The following WDFY4 variants were observed in gnomAD, a reference collection of about 807,000 sequenced individuals.
WDFY4 encodes WD repeat- and FYVE domain-containing protein 4.
A neutral mutation model predicts 351.9 loss-of-function variants in WDFY4; 169 were observed. That is an observed-to-expected ratio of 0.48 (90% CI 0.42 to 0.55). The LOEUF (loss-of-function observed/expected upper bound fraction) is 0.55, where lower values mean the gene tolerates loss of function less well. Among genes scored for constraint, WDFY4 ranks in the 20% least tolerant of loss-of-function variants. The pLI, the probability that WDFY4 is intolerant of heterozygous loss-of-function variation, is 0.00. For synonymous variants in WDFY4, 1,622 were observed against 1,574.6 expected, an observed-to-expected ratio of 1.03 and a Z score of -0.71; for missense variants, 3,803 against 3,935.6, an observed-to-expected ratio of 0.97 and a Z score of 0.90.
intron 57 of WDFY4, among the ~76,000 whole-genome samples, chr10:48,974,518 A>AAAAAAAAAAAAAAAAAAC (rs1287019683): frequency 3.6e-5 from 1 of 27,972 alleles, no homozygotes; most frequent in Admixed American, 5.5e-4. Flanking sequence ...AAAAAAAAAA[A>AAAAAAAAAAAAAAAAAAC]AAAAAAAAAA....
chr10:48,896,604 C>T (rs1186386983), intron 44 of WDFY4, among the ~76,000 whole-genome samples: 1 of 152,134 alleles, frequency 6.6e-6, no homozygotes, highest in Non-Finnish European at 1.5e-5. Context: ...TGCAGATGAG[C>T]TCTAGGTGCT....
At chr10:48,951,710 C>G (rs1841331166) in intron 51 of WDFY4, among the ~76,000 whole-genome samples, 1 of 152,198 alleles carries the variant, frequency 6.6e-6, no homozygotes, top group Admixed American at 6.5e-5. Flanking sequence ...GGAGTCTTGC[C>G]TGCCTAGAGC....
At chr10:48,786,927 C>G in intron 20 of WDFY4, 57 bp downstream of exon 20, 2 of 1,457,126 alleles carry the variant, frequency 1.4e-6, no homozygotes, top group Non-Finnish European at 1.9e-6. Flanking sequence ...AAATGGACAT[C>G]CAGTTATTTG....
At chr10:48,962,589 G>T (rs1248378388) in intron 53 of WDFY4, among the ~76,000 whole-genome samples, 1 of 152,204 alleles carries the variant, frequency 6.6e-6, no homozygotes, top group Non-Finnish European at 1.5e-5. Context: ...CCCATTCTGA[G>T]CCAGTGCCAC....
At chr10:48,928,235 G>A (rs989758348) in intron 47 of WDFY4, among the ~76,000 whole-genome samples, 4 of 152,122 alleles carry the variant, frequency 2.6e-5, no homozygotes, top group African/African-American at 9.7e-5. Flanking sequence ...CCATGACCCT[G>A]GATGGTCTCC....
intron 39 of WDFY4, among the ~76,000 whole-genome samples, chr10:48,857,224 A>G (rs1386937166): frequency 6.6e-6 from 1 of 152,112 alleles, no homozygotes; most frequent in Admixed American, 6.6e-5. Flanking sequence ...GAAATGCTTT[A>G]TGCAGACTTC....
At chr10:48,947,094 G>A (rs1320937468) in intron 51 of WDFY4, 125 bp downstream of exon 51, 2 of 777,788 alleles carry the variant, frequency 2.6e-6, no homozygotes, top group Non-Finnish European at 4.0e-6. Context: ...TCAGTCATTA[G>A]CCAGTGATTC....
chr10:48,899,515 C>G (rs1837250673), intron 45 of WDFY4, among the ~76,000 whole-genome samples: 1 of 151,828 alleles, frequency 6.6e-6, no homozygotes, highest in Non-Finnish European at 1.5e-5. Flanking sequence ...CAGGTCTCTT[C>G]TCTCCCTAAC....
intron 2 of WDFY4, among the ~76,000 whole-genome samples, chr10:48,719,683 T>C (rs1247062492): frequency 1.3e-5 from 2 of 152,178 alleles, no homozygotes; most frequent in African/African-American, 4.8e-5. Flanking sequence ...CTCCTGGTGC[T>C]CCTATGGGGG....
chr10:48,858,250 A>C (rs1010134476), intron 39 of WDFY4, among the ~76,000 whole-genome samples: 3 of 152,028 alleles, frequency 2.0e-5, no homozygotes, highest in African/African-American at 7.3e-5. Context: ...CAGTTCATTA[A>C]TTTTTCTTTT....
chr10:48,854,342 C>T (rs577787188), intron 39 of WDFY4, among the ~76,000 whole-genome samples: 3 of 152,184 alleles, frequency 2.0e-5, no homozygotes, highest in South Asian at 4.2e-4. Context: ...CTCGTGAGCT[C>T]CAGCGATCCG....
At chr10:48,887,013 C>A (rs751531083) in intron 43 of WDFY4, among the ~76,000 whole-genome samples, 3 of 152,244 alleles carry the variant, frequency 2.0e-5, no homozygotes, top group African/African-American at 7.2e-5. Context: ...CACTTGGGTT[C>A]ATTTTCTAGT....
At chr10:48,779,863 G>A (rs936024319) in intron 18 of WDFY4, 78 bp from the exon 19 acceptor site, 27 of 1,505,830 alleles carry the variant, frequency 1.8e-5, no homozygotes, top group Middle Eastern at 2.3e-4. Context: ...GTTGACGTCC[G>A]CCTATGCCCT....
At chr10:48,957,346 G>A (rs1841642437) in intron 52 of WDFY4, 64 bp downstream of exon 52, 1 of 1,524,796 alleles carries the variant, frequency 6.6e-7, no homozygotes, top group African/African-American at 1.4e-5. Context: ...CACAGCCCCT[G>A]GGTGATGACC....
At chr10:48,973,867 G>A (rs1165414603) in intron 57 of WDFY4, among the ~76,000 whole-genome samples, 1 of 152,226 alleles carries the variant, frequency 6.6e-6, no homozygotes, top group African/African-American at 2.4e-5. Context: ...CCAAGACCAA[G>A]GACGTCTAAG....
intron 52 of WDFY4, 23 bp downstream of exon 52, chr10:48,957,305 C>T (rs775045800): frequency 2.1e-5 from 33 of 1,545,202 alleles, no homozygotes; most frequent in Non-Finnish European, 2.3e-5. Context: ...CTGGTGAGGC[C>T]GGGTGAGTGG....
intron 39 of WDFY4, among the ~76,000 whole-genome samples, chr10:48,848,828 A>G (rs567553715): frequency 2.6e-5 from 4 of 152,374 alleles, no homozygotes; most frequent in African/African-American, 7.2e-5. Flanking sequence ...CAATTAGTTT[A>G]CACGATAACC....
At chr10:48,769,850 G>A (rs933980565) in intron 13 of WDFY4, among the ~76,000 whole-genome samples, 1 of 152,228 alleles carries the variant, frequency 6.6e-6, no homozygotes, top group Non-Finnish European at 1.5e-5. Context: ...GTTAAGTGAA[G>A]AATGCAGAAA....
intron 44 of WDFY4, among the ~76,000 whole-genome samples, chr10:48,893,871 T>C (rs979721037): frequency 6.6e-6 from 1 of 152,234 alleles, no homozygotes. Flanking sequence ...TGGACAGTTT[T>C]TGCAGATCCT....
Sources: gnomAD v4.1 joint callset for allele counts (sites outside exome capture counted in the v4.1 genomes callset) on GRCh38, gnomAD v4.1.1 for gene constraint, MANE v1.5 for transcripts, NCBI Gene and HGNC (gene_info 2026-07-23, HGNC 2026-07-21) for gene names.